PPP1R14D: variants seen among roughly 807,000 people sequenced by gnomAD.
PPP1R14D encodes protein phosphatase 1 regulatory subunit 14D.
PPP1R14D carries 14 observed loss-of-function variants against 17.1 expected under a neutral mutation model. The observed-to-expected ratio is 0.82, with a 90% CI of 0.54 to 1.28. The LOEUF (loss-of-function observed/expected upper bound fraction) is 1.28, where lower values mean the gene tolerates loss of function less well. Among genes scored for constraint, PPP1R14D ranks in the 50% most tolerant of loss-of-function variants. The pLI, the probability that PPP1R14D is intolerant of heterozygous loss-of-function variation, is 0.00. For missense variants in PPP1R14D, 173 were observed against 179.2 expected (o/e 0.97, Z 0.20); for synonymous variants, 67 against 66.1 (o/e 1.01, Z -0.06).
At chr15:40,820,166 C>CTT (rs1021379480) in intron 1 of PPP1R14D, among the ~76,000 whole-genome samples, 1 of 136,474 alleles carries the variant, frequency 7.3e-6, no homozygotes, top group Non-Finnish European at 1.6e-5. Context: ...GTGCCCAGCC[C>CTT]TTTTTTTTTG....
intron 1 of PPP1R14D, among the ~76,000 whole-genome samples, chr15:40,819,314 G>A (rs1308370843): frequency 6.6e-6 from 1 of 152,182 alleles, no homozygotes; most frequent in Non-Finnish European, 1.5e-5. Context: ...GCGCGAGGCT[G>A]AGGCAGATGG....
chr15:40,818,888 T>C (rs572832411), intron 1 of PPP1R14D, among the ~76,000 whole-genome samples: 3 of 152,284 alleles, frequency 2.0e-5, no homozygotes, highest in South Asian at 2.1e-4. Flanking sequence ...AATTCATTGA[T>C]TGTAACAAAT....
chr15:40,817,213 T>A (rs1890686632), intron 1 of PPP1R14D: 2 of 293,084 alleles, frequency 6.8e-6, no homozygotes, highest in Admixed American at 7.8e-5. Flanking sequence ...AAAAATTAGC[T>A]GGGTGTGGTT....
intron 1 of PPP1R14D, among the ~76,000 whole-genome samples, chr15:40,821,717 C>T (rs1890780095): frequency 1.3e-5 from 2 of 151,908 alleles, no homozygotes; most frequent in South Asian, 4.1e-4. Context: ...CACCTGAGGT[C>T]AGGGGTTTGA....
chr15:40,816,870 G>C (rs1482865773), intron 1 of PPP1R14D, among the ~76,000 whole-genome samples: 1 of 144,160 alleles, frequency 6.9e-6, no homozygotes, highest in Non-Finnish European at 1.5e-5. Flanking sequence ...TCACGAGTTC[G>C]AGACCAGCCT....
At chr15:40,816,927 C>G (rs1165769772) in intron 1 of PPP1R14D, among the ~76,000 whole-genome samples, 2 of 151,674 alleles carry the variant, frequency 1.3e-5, no homozygotes, top group Non-Finnish European at 2.9e-5. Context: ...CAAAAAGTAG[C>G]TGGGCCTGGT....
At chr15:40,822,695 C>T (rs898282331) in intron 1 of PPP1R14D, among the ~76,000 whole-genome samples, 7 of 152,182 alleles carry the variant, frequency 4.6e-5, no homozygotes, top group Non-Finnish European at 1.0e-4. Context: ...TCAGGTGATC[C>T]ACCCGCCTTG....
chr15:40,826,623 C>A (rs1264265428), intron 1 of PPP1R14D, among the ~76,000 whole-genome samples: 1 of 152,162 alleles, frequency 6.6e-6, no homozygotes, highest in Admixed American at 6.5e-5. Context: ...AGTTGTGTGA[C>A]CTTGGGCAAG....
chr15:40,816,155 T>A lies in PPP1R14D; in HGVS notation c.339+15A>T. 1 of 1,613,488 alleles carries A rather than the reference T, an allele frequency of 6.2e-7. No individual in the cohort carries two copies. Among genetic ancestry groups the A allele is most frequent in the Non-Finnish European group, 8.5e-7 (1 of 1,179,376 alleles). On this transcript the variant is annotated intron_variant, in intron 2 of 3. Transcript: ENST00000299174. ...TTCCCACTGACCCAAGGCCAGCTTC[T>A]AGCCCCCATCCTACCTCCAGCTGAG...
At chr15:40,827,338 G>A (rs750114079) in intron 1 of PPP1R14D, among the ~76,000 whole-genome samples, 17 of 152,036 alleles carry the variant, frequency 1.1e-4, no homozygotes, top group Non-Finnish European at 7.4e-5. Context: ...GAGAAACCCC[G>A]TCTCTACTAA....
intron 1 of PPP1R14D, among the ~76,000 whole-genome samples, chr15:40,822,433 G>A (rs1890796052): frequency 6.6e-6 from 1 of 151,496 alleles, no homozygotes; most frequent in Non-Finnish European, 1.5e-5. Flanking sequence ...AGGATCGCTT[G>A]AGGTCAGGAG....
chr15:40,821,407 A>G (rs139453544), intron 1 of PPP1R14D, among the ~76,000 whole-genome samples: 1 of 152,138 alleles, frequency 6.6e-6, no homozygotes, highest in Non-Finnish European at 1.5e-5. Flanking sequence ...TGTAAACCTT[A>G]CTAGATAGAA....
intron 1 of PPP1R14D, among the ~76,000 whole-genome samples, chr15:40,823,731 A>G (rs1172951357): frequency 1.1e-4 from 16 of 152,170 alleles, no homozygotes; most frequent in Admixed American, 9.8e-4. Flanking sequence ...AGGCTATACC[A>G]TCTAGGTCTG....
intron 1 of PPP1R14D, chr15:40,817,287 G>T: frequency 3.4e-6 from 1 of 290,126 alleles, no homozygotes; most frequent in Non-Finnish European, 7.6e-6. Flanking sequence ...AACCCGGGAG[G>T]CAGAAGTTGC....
intron 1 of PPP1R14D, chr15:40,817,159 C>G (rs559492828): frequency 6.2e-5 from 11 of 178,796 alleles, no homozygotes; most frequent in Non-Finnish European, 1.4e-4. Flanking sequence ...GAGTTCTAGA[C>G]CAGCCTGGCC....
intron 1 of PPP1R14D, among the ~76,000 whole-genome samples, chr15:40,827,728 C>G (rs537879931): frequency 6.6e-6 from 1 of 151,880 alleles, no homozygotes; most frequent in Admixed American, 6.6e-5. Context: ...CAAGACCAGC[C>G]TGGGCAACAT....
chr15:40,816,294 C>G (rs1405774623), intron 1 of PPP1R14D, 41 bp from the exon 2 acceptor site: 4 of 1,542,570 alleles, frequency 2.6e-6, no homozygotes, highest in Non-Finnish European at 2.7e-6. Flanking sequence ...GCCTGACCAG[C>G]TGGTGCTGGA....
Position 40,821,103 on chromosome 15 carries a change from G to A in PPP1R14D, c.256-4850C>T, listed in dbSNP as rs369995563. Among the ~76,000 whole-genome samples, 9 of 152,036 alleles carry A rather than the reference G, an allele frequency of 5.9e-5. No homozygotes were observed. The East Asian group carries it at 9.7e-4, about 16-fold the overall frequency. On this transcript the variant is annotated intron_variant, in intron 1 of 3. Coordinates refer to ENST00000299174, the MANE Select transcript of PPP1R14D (RefSeq NM_017726.8). ...CTGTAATCCTAGCACTTCGGAGGCCGAGGTGGGGATCACCTCAGGTCAGGG... is the reference window on the plus strand; with the variant it reads ...CTGTAATCCTAGCACTTCGGAGGCCAAGGTGGGGATCACCTCAGGTCAGGG...
intron 2 of PPP1R14D, 74 bp downstream of exon 2, chr15:40,816,096 C>T: frequency 6.3e-7 from 1 of 1,599,112 alleles, no homozygotes; most frequent in East Asian, 2.2e-5. Context: ...GTTCTCTGCA[C>T]TCCACCAAAG....
Sources: gnomAD v4.1 joint callset for allele counts (sites outside exome capture counted in the v4.1 genomes callset) on GRCh38, gnomAD v4.1.1 for gene constraint, MANE v1.5 for transcripts, NCBI Gene and HGNC (gene_info 2026-07-23, HGNC 2026-07-21) for gene names.